DDI2: variants seen among roughly 807,000 people sequenced by gnomAD.
The protein encoded by DDI2 is protein DDI1 homolog 2.
In DDI2, 5 loss-of-function variants were observed where a neutral mutation model predicts 48.1. The observed-to-expected ratio is 0.10, with a 90% CI of 0.05 to 0.22. The LOEUF (loss-of-function observed/expected upper bound fraction) is 0.22. Among genes scored for constraint, DDI2 ranks in the 10% least tolerant of loss-of-function variants. The probability of loss-of-function intolerance (pLI) is 1.00; values close to 1 mark genes in which losing one functional copy is unlikely to be tolerated. For synonymous variants in DDI2, 205 were observed against 183.6 expected, an observed-to-expected ratio of 1.12 and a Z score of -0.94; for missense variants, 285 against 506.2, an observed-to-expected ratio of 0.56 and a Z score of 4.19.
intron 5 of DDI2, 119 bp from the exon 6 acceptor site, chr1:15,643,403 A>G: frequency 1.4e-6 from 2 of 1,420,770 alleles, no homozygotes; most frequent in East Asian, 2.4e-5. Flanking sequence ...ATGAGTTTAT[A>G]GAGACCAAAG....
At chr1:15,655,393 G>C (rs1249969459) in intron 8 of DDI2, among the ~76,000 whole-genome samples, 1 of 151,592 alleles carries the variant, frequency 6.6e-6, no homozygotes, top group African/African-American at 2.4e-5. Context: ...CTGAGGTGGG[G>C]AGATCACTTG....
Position 15,660,749 on chromosome 1 carries a change from G to A in DDI2, c.*959G>A. On this transcript the variant is annotated 3_prime_UTR_variant, in exon 10 of 10. Transcript: ENST00000480945. ...TTGATGGAAGTAGAAACATCAAAAT[G>A]TAACCCTTCATCTGAAATTTTGAAT... 1 of 1,613,806 alleles carries A rather than the reference G, an allele frequency of 6.2e-7. No homozygotes were observed. The highest frequency in any genetic ancestry group is 8.5e-7 in the Non-Finnish European group (1 of 1,179,956).
At position 15,662,248 on chromosome 1, in the gene DDI2, CATTA is replaced by C. The variant is rs1640394891; in HGVS notation, c.*2463_*2466del. The C allele has an allele frequency of 6.6e-6, 1 of 152,458 alleles. No individual in the cohort carries two copies. The highest frequency in any genetic ancestry group is 1.5e-5 in the Non-Finnish European group (1 of 68,260). 9.4% of individuals were successfully genotyped at this position (152,458 alleles called of 1,614,324 possible). On this transcript the variant is annotated 3_prime_UTR_variant, in exon 10 of 10. Transcript: ENST00000480945. ...ACCCAGTGCTCTGTGTATCATGATT[CATTA>C]ATTATAACAGGAAATTGGAGAATAA...
At chr1:15,624,039 C>G (rs911872564) in intron 1 of DDI2, among the ~76,000 whole-genome samples, 4 of 152,208 alleles carry the variant, frequency 2.6e-5, no homozygotes, top group African/African-American at 9.6e-5. Flanking sequence ...TGGGCGAGAG[C>G]GAGACTCCGT....
intron 5 of DDI2, among the ~76,000 whole-genome samples, chr1:15,642,513 G>C (rs1463331235): frequency 1.3e-5 from 2 of 152,168 alleles, no homozygotes; most frequent in Non-Finnish European, 2.9e-5. Flanking sequence ...ACGGGATATT[G>C]CTATGTTGCC....
chr1:15,656,563 G>C, intron 8 of DDI2, 54 bp from the exon 9 acceptor site: 1 of 1,614,060 alleles, frequency 6.2e-7, no homozygotes, highest in Non-Finnish European at 8.5e-7. Context: ...CCTGCATGCT[G>C]TGTGGTTTGC....
At chr1:15,632,922 TTTTTTTTTTA>T (rs1639867716) in intron 3 of DDI2, among the ~76,000 whole-genome samples, 1 of 129,564 alleles carries the variant, frequency 7.7e-6, no homozygotes, top group Non-Finnish European at 1.6e-5. Flanking sequence ...CTTTTTTTTT[TTTTTTTTTTA>T]AAAAAAAAAA....
chr1:15,644,583 TTTTG>T (rs1467323347), intron 6 of DDI2, among the ~76,000 whole-genome samples: 2,939 of 119,744 alleles, frequency 0.025, 171 homozygotes, highest in Non-Finnish European at 0.029. Context: ...TTTCAGTTTT[TTTTG>T]TTTTTTTTTT....
At position 15,660,216 on chromosome 1, in the gene DDI2, A is replaced by C. The variant is rs761593274; in HGVS notation, c.*426A>C. On this transcript the variant is annotated 3_prime_UTR_variant, in exon 10 of 10. Coordinates refer to ENST00000480945, the MANE Select transcript of DDI2 (RefSeq NM_032341.5). ...GTAATCTGGAGAAATCTGCTGAAAGAAGCACCCAGGGCCTCAAATTTCATC... is the reference window on the plus strand; with the variant it reads ...GTAATCTGGAGAAATCTGCTGAAAGCAGCACCCAGGGCCTCAAATTTCATC... 7.4e-6 allele frequency: 12 copies of C among 1,614,222 alleles called. No individual in the cohort carries two copies. The highest frequency in any genetic ancestry group is 1.0e-5 in the Non-Finnish European group (12 of 1,180,034).
At position 15,667,578 on chromosome 1, in the gene DDI2, A is replaced by G. The variant is rs904606949; in HGVS notation, c.*7788A>G. 3 of 152,294 alleles carry G rather than the reference A, an allele frequency of 2.0e-5. No individual in the cohort carries two copies. Among genetic ancestry groups the G allele is most frequent in the Non-Finnish European group, 2.9e-5 (2 of 68,078 alleles). The allele number at this position is 152,294 out of a possible 1,614,324, so 9.4% of individuals were successfully genotyped here. A position where few individuals can be genotyped will look rare whatever the true frequency, so the allele number is the denominator to read the frequency against. ...GTGCAACTTGTGAAAACGGGAATCT[A>G]GAGCAGAACATGTAATCAGCGATGG... is the stretch of plus-strand genomic sequence containing the variant. On this transcript the variant is annotated 3_prime_UTR_variant, in exon 10 of 10. Transcript: ENST00000480945.
intron 6 of DDI2, among the ~76,000 whole-genome samples, chr1:15,648,909 A>T (rs1184683593): frequency 6.6e-6 from 1 of 151,984 alleles, no homozygotes; most frequent in Non-Finnish European, 1.5e-5. Flanking sequence ...GAAAATACAC[A>T]ATATCTTGTG....
At chr1:15,653,560 A>AG (rs565300534) in intron 8 of DDI2, among the ~76,000 whole-genome samples, 144 of 151,576 alleles carry the variant, frequency 9.5e-4, no homozygotes, top group South Asian at 9.4e-3. Context: ...TAAAAAAAAA[A>AG]TTTTTTTTTG....
Position 15,661,441 on chromosome 1 carries a change from G to C in DDI2, c.*1651G>C. The C allele has an allele frequency of 2.5e-6, 4 of 1,614,076 alleles. No homozygotes were observed. Among genetic ancestry groups the C allele is most frequent in the Non-Finnish European group, 3.4e-6 (4 of 1,180,008 alleles). ...CAATTTCATATTGGTTAAAGACTTA[G>C]GTCAGGGCATACAGAATTCAGTAAC... On this transcript the variant is annotated 3_prime_UTR_variant, in exon 10 of 10. Coordinates refer to ENST00000480945, the MANE Select transcript of DDI2 (RefSeq NM_032341.5).
chr1:15,634,537 A>ATTTTTTTTTTTTTTT (rs1180726984), intron 4 of DDI2, among the ~76,000 whole-genome samples: 17 of 38,518 alleles, frequency 4.4e-4, no homozygotes, highest in East Asian at 2.8e-3. Flanking sequence ...TATTCTTTTT[A>ATTTTTTTTTTTTTTT]TCTTTTTTTT....
rs187540825 is a variant in DDI2 at position 15,665,712 on chromosome 1, G to A, written c.*5922G>A. The A allele has an allele frequency of 3.3e-5, 5 of 151,884 alleles. No homozygotes were observed. Among genetic ancestry groups the A allele is most frequent in the African/African-American group, 4.8e-5 (2 of 41,316 alleles). The allele number at this position is 151,884 out of a possible 1,614,324, so 9.4% of individuals were successfully genotyped here. On this transcript the variant is annotated 3_prime_UTR_variant, in exon 10 of 10. Transcript: ENST00000480945. ...CTTCACTTATGGTGGCTTTTATCCC[G>A]CCACATATATAAATATATATATATA... is the stretch of plus-strand genomic sequence containing the variant.
chr1:15,633,976 A>C (rs1290635385), intron 4 of DDI2: 4 of 363,014 alleles, frequency 1.1e-5, no homozygotes, highest in Non-Finnish European at 2.2e-5. Flanking sequence ...GGGCTTAAAC[A>C]TGATTGGATT....
intron 3 of DDI2, 79 bp from the exon 4 acceptor site, chr1:15,633,360 A>G (rs1557615192): frequency 1.3e-6 from 2 of 1,516,922 alleles, no homozygotes; most frequent in South Asian, 2.4e-5. Context: ...GTAGTTTGAT[A>G]AATTGTTTGG....
At chr1:15,640,226 G>A (rs1639986380) in intron 5 of DDI2, among the ~76,000 whole-genome samples, 1 of 152,224 alleles carries the variant, frequency 6.6e-6, no homozygotes, top group East Asian at 1.9e-4. Context: ...TACTCAGTGT[G>A]TATTGATTCC....
chr1:15,619,947 C>A (rs1465446357), intron 1 of DDI2, among the ~76,000 whole-genome samples: 3 of 152,010 alleles, frequency 2.0e-5, no homozygotes, highest in Non-Finnish European at 4.4e-5. Context: ...CAAAGGGATA[C>A]CTGACACCCC....
Sources: allele counts gnomAD v4.1 joint callset (sites outside exome capture counted in the v4.1 genomes callset), GRCh38; gene constraint gnomAD v4.1.1; transcripts MANE v1.5; gene names NCBI Gene and HGNC (gene_info 2026-07-23, HGNC 2026-07-21).